Variants in INIP observed in about 807,000 individuals in gnomAD.
INIP encodes the protein INTS3 and NABP interacting protein, also known as SOSS complex subunit C.
In INIP, 9 loss-of-function variants were observed where a neutral mutation model predicts 14.0. The observed-to-expected ratio is 0.64, with a 90% CI of 0.39 to 1.12. INIP has a LOEUF of 1.12. INIP is among the 50% of genes most tolerant of loss of function. The pLI is 0.01. For missense variants in INIP, 78 were observed against 122.7 expected (o/e 0.64, Z 1.72); for synonymous variants, 37 against 41.5 (o/e 0.89, Z 0.41).
Position 112,691,646 on chromosome 9 carries a change from G to C in INIP, c.129-2029C>G, listed in dbSNP as rs139606405. 1.8e-4 allele frequency among the ~76,000 whole-genome samples: 28 copies of C among 152,336 alleles called. No individual in the cohort carries two copies. The East Asian group carries it at 5.0e-3, about 27-fold the overall frequency. On this transcript the variant is annotated intron_variant, in intron 3 of 4. Coordinates refer to ENST00000374242, the MANE Select transcript of INIP (RefSeq NM_021218.3). ...GACAAATAGAGAAATGTCCACAAAA[G>C]AAATCAAGATAGTCTCCTCCTACTG...
chr9:112,716,962 C>CAAA (rs553313367), intron 1 of INIP, among the ~76,000 whole-genome samples: 1 of 78,066 alleles, frequency 1.3e-5, no homozygotes, highest in African/African-American at 4.6e-5. Context: ...GACTCGGTCT[C>CAAA]AAAAAAAAAA....
chr9:112,696,383 G>A (rs532710180), intron 2 of INIP, among the ~76,000 whole-genome samples: 13 of 152,216 alleles, frequency 8.5e-5, no homozygotes, highest in East Asian at 7.7e-4. Flanking sequence ...CGCCTGTCTC[G>A]AGAGAAGTCT....
At chr9:112,694,272 G>T in intron 2 of INIP, 39 bp from the exon 3 acceptor site, 1 of 1,236,738 alleles carries the variant, frequency 8.1e-7, no homozygotes, top group Non-Finnish European at 1.2e-6. Context: ...GGGAGAAAGA[G>T]AGAGTAATCA....
intron 2 of INIP, among the ~76,000 whole-genome samples, chr9:112,706,637 G>A (rs1283859010): frequency 6.6e-6 from 1 of 152,074 alleles, no homozygotes; most frequent in African/African-American, 2.4e-5. Context: ...TTTTAACAAT[G>A]TTATACTCAC....
At chr9:112,697,846 T>C (rs1207044139) in intron 2 of INIP, among the ~76,000 whole-genome samples, 2 of 152,154 alleles carry the variant, frequency 1.3e-5, no homozygotes, top group Non-Finnish European at 2.9e-5. Flanking sequence ...AGAACAGAAG[T>C]AGGAAATACT....
In INIP at chr9:112,686,577, A is replaced by T. The variant is rs1444875269; in HGVS notation, c.*961T>A. 6.6e-6 allele frequency: 1 copy of T among 152,148 alleles called. No individual in the cohort carries two copies. The highest frequency in any genetic ancestry group is 1.5e-5 in the Non-Finnish European group (1 of 68,046). 9.4% of individuals were successfully genotyped at this position (152,148 alleles called of 1,614,324 possible). Reference sequence around the variant, plus strand: ...AGTGACACCGTCTCAGCTCACTGCAACCCCTGCCTCCCAGGTTCAAGCGAT... The same window carrying T: ...AGTGACACCGTCTCAGCTCACTGCATCCCCTGCCTCCCAGGTTCAAGCGAT... On this transcript the variant is annotated 3_prime_UTR_variant, in exon 5 of 5. Transcript: ENST00000374242.
intron 2 of INIP, among the ~76,000 whole-genome samples, chr9:112,713,894 G>T (rs1228157165): frequency 1.3e-5 from 2 of 151,540 alleles, no homozygotes; most frequent in African/African-American, 4.9e-5. Context: ...TGAGGCAGGA[G>T]AATCGCTTGA....
At chr9:112,715,504 T>G (rs1483063778) in intron 2 of INIP, among the ~76,000 whole-genome samples, 1 of 152,230 alleles carries the variant, frequency 6.6e-6, no homozygotes, top group African/African-American at 2.4e-5. Flanking sequence ...CCAGGCACAG[T>G]GGCTCATGCC....
intron 2 of INIP, among the ~76,000 whole-genome samples, chr9:112,697,259 A>G (rs558835726): frequency 1.0e-3 from 157 of 152,334 alleles, no homozygotes; most frequent in African/African-American, 3.7e-3. Context: ...CTGTAATCCC[A>G]GCATTTTGGG....
At chr9:112,706,728 T>A (rs1838481735) in intron 2 of INIP, among the ~76,000 whole-genome samples, 1 of 152,118 alleles carries the variant, frequency 6.6e-6, no homozygotes, top group South Asian at 2.1e-4. Flanking sequence ...AGCACAAAGA[T>A]GTTTAATATA....
intron 2 of INIP, among the ~76,000 whole-genome samples, chr9:112,694,469 CATATT>C (rs1165113426): frequency 1.3e-5 from 2 of 152,108 alleles, no homozygotes; most frequent in East Asian, 3.8e-4. Flanking sequence ...AATATCAAAT[CATATT>C]ATATTTAAAG....
chr9:112,702,345 T>C lies in INIP; in HGVS notation c.26-8112A>G, dbSNP rs142089989. On this transcript the variant is annotated intron_variant, in intron 2 of 4. Coordinates refer to ENST00000374242, the MANE Select transcript of INIP (RefSeq NM_021218.3). ...CCTATAAAGATAATCTGATCAATAA[T>C]GTTCATATGACTAGGAGCACAACTG... 2.5e-3 allele frequency among the ~76,000 whole-genome samples: 383 copies of C among 152,286 alleles called. 7 individuals are homozygous for C. The highest frequency in any genetic ancestry group is 8.7e-3 in the African/African-American group (360 of 41,554).
rs1298144251 is a variant in INIP, at chr9:112,685,436, A to G, written c.*2102T>C. ...TTTATCTGTAGGTATTAATAAATAC[A>G]TAGGAAATTGAATTGAATTTGTAAC... On this transcript the variant is annotated 3_prime_UTR_variant, in exon 5 of 5. Coordinates refer to ENST00000374242, the MANE Select transcript of INIP (RefSeq NM_021218.3). 1 of 152,126 alleles carries G rather than the reference A, an allele frequency of 6.6e-6. No homozygotes were observed. The highest frequency in any genetic ancestry group is 1.5e-5 in the Non-Finnish European group (1 of 68,038). 9.4% of individuals were successfully genotyped at this position (152,126 alleles called of 1,614,324 possible).
At chr9:112,688,401 G>A (rs1455692799) in intron 4 of INIP, among the ~76,000 whole-genome samples, 1 of 151,688 alleles carries the variant, frequency 6.6e-6, no homozygotes, top group Non-Finnish European at 1.5e-5. Flanking sequence ...AAAAGGCAGT[G>A]AGATTACTGG....
chr9:112,704,738 T>C (rs912749316), intron 2 of INIP, among the ~76,000 whole-genome samples: 1 of 151,720 alleles, frequency 6.6e-6, no homozygotes, highest in Non-Finnish European at 1.5e-5. Context: ...TACAAAGGTA[T>C]AGAAAAATTA....
At position 112,694,618 on chromosome 9, in the gene INIP, G is replaced by A. The variant is rs114298796; in HGVS notation, c.26-385C>T. Among the ~76,000 whole-genome samples the A allele has an allele frequency of 1.6e-3, 238 of 152,328 alleles. 2 individuals carry two copies. Among genetic ancestry groups the A allele is most frequent in the African/African-American group, 5.4e-3 (224 of 41,578 alleles). ...GCCTGTGCAGTCTCTATCCTGCCGA[G>A]TCAATCTTTGGGAGGGCAGATGTTC... On this transcript the variant is annotated intron_variant, in intron 2 of 4. Transcript: ENST00000374242.
chr9:112,712,975 C>T, intron 2 of INIP, among the ~76,000 whole-genome samples: 1 of 152,160 alleles, frequency 6.6e-6, no homozygotes, highest in East Asian at 1.9e-4. Flanking sequence ...AGAAAAATAA[C>T]ACATTACATA....
At chr9:112,692,946 CT>C (rs774493732) in intron 3 of INIP, among the ~76,000 whole-genome samples, 12 of 149,616 alleles carry the variant, frequency 8.0e-5, no homozygotes, top group Non-Finnish European at 1.3e-4. Flanking sequence ...GGGCGATCAC[CT>C]GAGCCCAGGA....
chr9:112,698,099 T>C (rs973134089), intron 2 of INIP, among the ~76,000 whole-genome samples: 3 of 151,860 alleles, frequency 2.0e-5, no homozygotes, highest in Admixed American at 1.3e-4. Context: ...GGTCAGGAGA[T>C]TGAGGCCACC....
Sources: gnomAD v4.1 joint callset for allele counts (sites outside exome capture counted in the v4.1 genomes callset) on GRCh38, gnomAD v4.1.1 for gene constraint, MANE v1.5 for transcripts, NCBI Gene and HGNC (gene_info 2026-07-23, HGNC 2026-07-21) for gene names.